Variants in PTPRG observed in about 807,000 individuals in gnomAD.
The protein encoded by PTPRG is receptor-type tyrosine-protein phosphatase gamma.
A neutral mutation model predicts 165.3 loss-of-function variants in PTPRG; 102 were observed. The ratio of observed to expected loss-of-function variants is 0.62; its 90% CI spans 0.53 to 0.73. PTPRG has a LOEUF of 0.73. Among genes scored for constraint, PTPRG ranks in the 30% least tolerant of loss-of-function variants. The pLI is 0.00. For synonymous variants in PTPRG, 675 were observed against 669.5 expected, an observed-to-expected ratio of 1.01 and a Z score of -0.13; for missense variants, 1,866 against 1,861.4, an observed-to-expected ratio of 1.00 and a Z score of -0.05.
chr3:62,250,261 T>A lies in PTPRG; in HGVS notation c.2468-4863T>A, dbSNP rs766012673. On this transcript the variant is annotated intron_variant, in intron 15 of 29. Transcript: ENST00000474889. ...AGGAAAGGGAATCAGAGAAGTGGAGTCACGCAGTCTGGCTCTGGCTTTTCC... is the reference window on the plus strand; with the variant it reads ...AGGAAAGGGAATCAGAGAAGTGGAGACACGCAGTCTGGCTCTGGCTTTTCC... 5.3e-4 allele frequency among the ~76,000 whole-genome samples: 81 copies of A among 152,266 alleles called. 2 individuals are homozygous for A. The highest frequency in any genetic ancestry group is 6.2e-4 in the South Asian group (3 of 4,824).
chr3:61,693,634 G>T, intron 1 of PTPRG, among the ~76,000 whole-genome samples: 1 of 152,144 alleles, frequency 6.6e-6, no homozygotes, highest in East Asian at 1.9e-4. Context: ...AGGTGTGTGT[G>T]TTCAGGGCTG....
At chr3:61,868,991 A>G (rs778161944) in intron 2 of PTPRG, among the ~76,000 whole-genome samples, 1 of 150,968 alleles carries the variant, frequency 6.6e-6, no homozygotes, top group Non-Finnish European at 1.5e-5. Context: ...TTGGTGAGTG[A>G]GTCTGGTCTT....
intron 1 of PTPRG, among the ~76,000 whole-genome samples, chr3:61,619,384 C>T (rs2106894399): frequency 6.6e-6 from 1 of 152,210 alleles, no homozygotes; most frequent in Non-Finnish European, 1.5e-5. Context: ...TTGTTCTCTT[C>T]CAAGGGGACA....
chr3:62,014,598 G>C (rs564773525), intron 4 of PTPRG, among the ~76,000 whole-genome samples: 7 of 152,302 alleles, frequency 4.6e-5, no homozygotes, highest in Admixed American at 2.0e-4. Flanking sequence ...GGAATTTTCT[G>C]AGTTCATGCC....
chr3:62,064,138 T>TC (rs375626741), intron 4 of PTPRG, among the ~76,000 whole-genome samples: 13,128 of 152,038 alleles, frequency 0.086, 640 homozygotes, highest in Non-Finnish European at 0.1. Flanking sequence ...AGACTTTTTT[T>TC]CCGATGAGCT....
At chr3:62,014,946 C>T (rs1216991356) in intron 4 of PTPRG, among the ~76,000 whole-genome samples, 1 of 152,170 alleles carries the variant, frequency 6.6e-6, no homozygotes, top group Non-Finnish European at 1.5e-5. Flanking sequence ...TGATAATGGG[C>T]TATCACAGTC....
intron 2 of PTPRG, among the ~76,000 whole-genome samples, chr3:61,974,605 G>A (rs546821768): frequency 5.3e-5 from 8 of 152,032 alleles, no homozygotes; most frequent in South Asian, 2.1e-4. Flanking sequence ...GTGCCTTTTC[G>A]TGACTGACTG....
At chr3:61,867,142 C>T (rs1419371054) in intron 2 of PTPRG, among the ~76,000 whole-genome samples, 2 of 152,120 alleles carry the variant, frequency 1.3e-5, no homozygotes, top group African/African-American at 4.8e-5. Flanking sequence ...GTTTTCTTGT[C>T]GCTATGATTC....
At chr3:62,202,708 G>C (rs141280527) in intron 11 of PTPRG, among the ~76,000 whole-genome samples, 1 of 152,200 alleles carries the variant, frequency 6.6e-6, no homozygotes, top group Non-Finnish European at 1.5e-5. Context: ...CAGTGGGGTT[G>C]GACTGGATCA....
At chr3:61,737,961 T>G (rs1344910351) in intron 1 of PTPRG, among the ~76,000 whole-genome samples, 1 of 149,412 alleles carries the variant, frequency 6.7e-6, no homozygotes, top group African/African-American at 2.5e-5. Flanking sequence ...CAGGCTGGAG[T>G]GCAGTGGCGC....
At chr3:62,174,950 A>G (rs971298214) in intron 8 of PTPRG, among the ~76,000 whole-genome samples, 1 of 152,176 alleles carries the variant, frequency 6.6e-6, no homozygotes, top group African/African-American at 2.4e-5. Context: ...TTCAAAAATA[A>G]CTTTGATTTG....
intron 4 of PTPRG, among the ~76,000 whole-genome samples, chr3:62,018,381 C>T (rs1365892119): frequency 6.6e-6 from 1 of 152,178 alleles, no homozygotes; most frequent in Non-Finnish European, 1.5e-5. Context: ...GATGCCTCTC[C>T]ATTGTGCTCA....
intron 2 of PTPRG, among the ~76,000 whole-genome samples, chr3:61,883,123 G>A (rs959151973): frequency 1.3e-5 from 2 of 152,142 alleles, no homozygotes; most frequent in African/African-American, 4.8e-5. Context: ...GGGCCTCCAG[G>A]GTGTCTGTCC....
chr3:61,677,653 T>G (rs750059133), intron 1 of PTPRG, among the ~76,000 whole-genome samples: 1 of 152,254 alleles, frequency 6.6e-6, no homozygotes, highest in African/African-American at 2.4e-5. Flanking sequence ...CTCTCTGTGC[T>G]GCAATAGCTA....
chr3:62,056,601 A>T (rs1227979096), intron 4 of PTPRG, among the ~76,000 whole-genome samples: 1 of 152,134 alleles, frequency 6.6e-6, no homozygotes, highest in African/African-American at 2.4e-5. Flanking sequence ...GCATTGTAGG[A>T]TGTAAAATAG....
At chr3:61,688,429 T>G (rs188637184) in intron 1 of PTPRG, among the ~76,000 whole-genome samples, 2 of 152,278 alleles carry the variant, frequency 1.3e-5, no homozygotes, top group Admixed American at 1.3e-4. Flanking sequence ...CATCAGAGGC[T>G]CTCTTTTCTC....
chr3:61,985,896 G>A (rs1342841667), intron 2 of PTPRG, among the ~76,000 whole-genome samples: 1 of 152,078 alleles, frequency 6.6e-6, no homozygotes, highest in Non-Finnish European at 1.5e-5. Flanking sequence ...TTCTTTCATG[G>A]ACATCTCATA....
chr3:62,158,666 G>A (rs1379251414), intron 7 of PTPRG, among the ~76,000 whole-genome samples: 1 of 152,166 alleles, frequency 6.6e-6, no homozygotes, highest in Non-Finnish European at 1.5e-5. Flanking sequence ...AGGTTCCCTA[G>A]AAGAAGGTAG....
chr3:61,607,077 G>A (rs1325411535), intron 1 of PTPRG, among the ~76,000 whole-genome samples: 1 of 152,232 alleles, frequency 6.6e-6, no homozygotes, highest in Admixed American at 6.5e-5. Context: ...CTGCCAAGAG[G>A]TGAGAGAAGG....
Sources: gnomAD v4.1 joint callset for allele counts (sites outside exome capture counted in the v4.1 genomes callset) on GRCh38, gnomAD v4.1.1 for gene constraint, MANE v1.5 for transcripts, NCBI Gene and HGNC (gene_info 2026-07-23, HGNC 2026-07-21) for gene names.